LCOR: variants seen among roughly 807,000 people sequenced by gnomAD.
LCOR encodes ligand-dependent corepressor.
In LCOR, 14 loss-of-function variants were observed where a neutral mutation model predicts 64.4. That is an observed-to-expected ratio of 0.22 (90% CI 0.14 to 0.34). The LOEUF (loss-of-function observed/expected upper bound fraction) is 0.34, where lower values mean the gene tolerates loss of function less well. LCOR is among the 10% of genes least tolerant of loss of function. The pLI is 1.00. For synonymous variants in LCOR, 643 were observed against 642.5 expected (o/e 1.00, Z -0.01); for missense variants, 1,686 against 1,765.3 (o/e 0.96, Z 0.80).
chr10:96,860,389 G>T (rs1298234930), intron 2 of LCOR, among the ~76,000 whole-genome samples: 1 of 152,212 alleles, frequency 6.6e-6, no homozygotes, highest in East Asian at 1.9e-4. Context: ...GCAGGGATTA[G>T]AGTTACACTG....
At chr10:96,837,324 T>C (rs1021979375) in intron 2 of LCOR, among the ~76,000 whole-genome samples, 1 of 151,610 alleles carries the variant, frequency 6.6e-6, no homozygotes, top group Non-Finnish European at 1.5e-5. Context: ...TGGCGTGATC[T>C]TGGCTCACTG....
intron 4 of LCOR, among the ~76,000 whole-genome samples, chr10:96,919,667 T>C (rs966696355): frequency 2.0e-5 from 3 of 152,144 alleles, no homozygotes; most frequent in East Asian, 3.8e-4. Context: ...CATTTCCTCC[T>C]CTCTTTAGCC....
chr10:96,961,834 A>T (rs1323097870), intron 7 of LCOR: 1 of 151,592 alleles, frequency 6.6e-6, no homozygotes, highest in Non-Finnish European at 1.5e-5. Context: ...AACTTCTATT[A>T]TTTGGTGTAC....
chr10:96,882,159 A>G (rs1846272952), intron 2 of LCOR, among the ~76,000 whole-genome samples: 3 of 152,222 alleles, frequency 2.0e-5, no homozygotes, highest in Admixed American at 2.0e-4. Flanking sequence ...TTGTTTCCCA[A>G]AACAAAAAAA....
rs1179095678 is a variant in LCOR at position 96,989,693 on chromosome 10, A to ATTT, written c.*4560_*4561insTTT. ...GATAAGGATATATATATATATATAT[A>ATTT]TATTTTTTTTTTTTTTTTTTTTTTT... is the stretch of plus-strand genomic sequence containing the variant. On this transcript the variant is annotated 3_prime_UTR_variant, in exon 8 of 8. Coordinates refer to ENST00000421806, the MANE Select transcript of LCOR (RefSeq NM_001346516.2). 29 of 81,426 alleles carry ATTT rather than the reference A, an allele frequency of 3.6e-4. No individual in the cohort carries two copies. The highest frequency in any genetic ancestry group is 1.9e-3 in the African/African-American group (26 of 13,482). The allele number at this position is 81,426 out of a possible 1,614,324, so 5.0% of individuals were successfully genotyped here.
chr10:96,920,122 G>A (rs1847021978), intron 4 of LCOR, among the ~76,000 whole-genome samples: 1 of 151,416 alleles, frequency 6.6e-6, no homozygotes, highest in East Asian at 1.9e-4. Flanking sequence ...AGGCTAAAGG[G>A]TTCCAATTTT....
Position 96,987,950 on chromosome 10 carries a change from A to G in LCOR, c.*2816A>G, listed in dbSNP as rs1054729725. The G allele has an allele frequency of 6.6e-6, 1 of 152,194 alleles. No homozygotes were observed. Among genetic ancestry groups the G allele is most frequent in the African/African-American group, 2.4e-5 (1 of 41,442 alleles). The allele number at this position is 152,194 out of a possible 1,614,324, so 9.4% of individuals were successfully genotyped here. A position where few individuals can be genotyped will look rare whatever the true frequency, so the allele number is the denominator to read the frequency against. ...GCAGTCCATCCCACATTCCGATCCA[A>G]ATCAGAAAGGAATTCTCCTGGGTGT... is the stretch of plus-strand genomic sequence containing the variant. On this transcript the variant is annotated 3_prime_UTR_variant, in exon 8 of 8. Coordinates refer to ENST00000421806, the MANE Select transcript of LCOR (RefSeq NM_001346516.2).
At position 96,983,441 on chromosome 10, in the gene LCOR, T is replaced by C. The variant is rs149307894; in HGVS notation, c.2981T>C (p.Val994Ala). ...TQHVEEAVNE[V>A]DNENTQQKDD... ...CATGTGGAGGAGGCTGTGAATGAGGTAGACAACGAAAACACCCAGCAGAAA... is the reference window on the plus strand; with the variant it reads ...CATGTGGAGGAGGCTGTGAATGAGGCAGACAACGAAAACACCCAGCAGAAA... Residue 994 changes from valine (V) to alanine (A), a missense_variant, in exon 8 of 8, where the codon GTA (valine) becomes GCA (alanine). Val to Ala is a moderately conservative substitution (Grantham distance 64). Around this residue, in one of 3 missense-constraint regions of LCOR, gnomAD observed 1,293 missense variants for 1,410.4 expected, o/e 0.92. Coordinates refer to ENST00000421806, the MANE Select transcript of LCOR (RefSeq NM_001346516.2). The surrounding 1 kb of genome is among the most constrained non-coding windows in gnomAD (Gnocchi z 4.5). The C allele has an allele frequency of 6.2e-6, 10 of 1,614,010 alleles. No homozygotes were observed. In the African/African-American group the frequency reaches 1.2e-4, roughly 19 times the overall value.
intron 2 of LCOR, among the ~76,000 whole-genome samples, chr10:96,882,843 G>C (rs1846284788): frequency 6.6e-6 from 1 of 151,920 alleles, no homozygotes; most frequent in Non-Finnish European, 1.5e-5. Flanking sequence ...AGCCTTTTCA[G>C]CTTGGCTTCT....
chr10:96,900,741 C>T (rs1846619445), intron 2 of LCOR, among the ~76,000 whole-genome samples: 1 of 147,280 alleles, frequency 6.8e-6, no homozygotes, highest in African/African-American at 2.6e-5. Context: ...ACCCTTACCC[C>T]CCAGAGTGAA....
intron 2 of LCOR, among the ~76,000 whole-genome samples, chr10:96,840,363 T>A (rs1416129132): frequency 6.6e-6 from 1 of 152,250 alleles, no homozygotes; most frequent in East Asian, 1.9e-4. Context: ...CAGTGAATTT[T>A]ACATAGTAAA....
In LCOR at chr10:96,929,475, T is replaced by A. The variant is rs149647443; in HGVS notation, c.-183-14638T>A. ...CAGCTTCCTCACCTCTCAGCCTTCA[T>A]AGAATTGAAGAGAGTTAGAGCCTTG... is the stretch of plus-strand genomic sequence containing the variant. On this transcript the variant is annotated intron_variant, in intron 4 of 7. Transcript: ENST00000421806. Among the ~76,000 whole-genome samples the A allele has an allele frequency of 4.9e-3, 746 of 152,350 alleles. 3 individuals carry two copies. The highest frequency in any genetic ancestry group is 7.9e-3 in the Non-Finnish European group (538 of 68,034).
intron 4 of LCOR, among the ~76,000 whole-genome samples, chr10:96,925,547 A>AC (rs1410238372): frequency 6.6e-6 from 1 of 152,202 alleles, no homozygotes; most frequent in East Asian, 1.9e-4. Flanking sequence ...TCATATCATG[A>AC]AGCATACAAT....
chr10:96,968,997 T>A (rs2134552646), intron 7 of LCOR, among the ~76,000 whole-genome samples: 1 of 152,334 alleles, frequency 6.6e-6, no homozygotes, highest in East Asian at 1.9e-4. Flanking sequence ...GAACAAGTTA[T>A]TGAACCTTCC....
chr10:96,847,586 C>T (rs982160818), intron 2 of LCOR, among the ~76,000 whole-genome samples: 3 of 152,136 alleles, frequency 2.0e-5, no homozygotes, highest in Admixed American at 1.3e-4. Context: ...CGATTACAAG[C>T]GTGTGCCACC....
chr10:96,984,175 T>C lies in LCOR; in HGVS notation c.3715T>C (p.Leu1239=), dbSNP rs753668414. 1.9e-6 allele frequency: 3 copies of C among 1,614,100 alleles called. No homozygotes were observed. Among genetic ancestry groups the C allele is most frequent in the Non-Finnish European group, 2.5e-6 (3 of 1,180,000 alleles). Residue 1239 remains leucine, a synonymous_variant, in exon 8 of 8, where the codon TTG becomes CTG. Coordinates refer to ENST00000421806, the MANE Select transcript of LCOR (RefSeq NM_001346516.2). The part of the protein sequence containing the change: ...SLQAERLKKH[L]KKFPGATPAK... Reference sequence around the variant, plus strand: ...ACAGGCTGAGCGCTTGAAAAAGCACTTGAAGAAATTTCCTGGAGCTACCCC... The same window carrying C: ...ACAGGCTGAGCGCTTGAAAAAGCACCTGAAGAAATTTCCTGGAGCTACCCC...
At chr10:96,896,310 A>T (rs780363798) in intron 2 of LCOR, among the ~76,000 whole-genome samples, 1 of 152,204 alleles carries the variant, frequency 6.6e-6, no homozygotes, top group Non-Finnish European at 1.5e-5. Flanking sequence ...ACATACCTCA[A>T]ATAGAGTTGA....
At chr10:96,898,588 T>G (rs1455175481) in intron 2 of LCOR, among the ~76,000 whole-genome samples, 1 of 152,084 alleles carries the variant, frequency 6.6e-6, no homozygotes, top group East Asian at 1.9e-4. Context: ...AATTAAGAGA[T>G]GTTATTAATA....
At chr10:96,841,852 A>G (rs1165888920) in intron 2 of LCOR, among the ~76,000 whole-genome samples, 3 of 151,734 alleles carry the variant, frequency 2.0e-5, no homozygotes, top group African/African-American at 7.2e-5. Flanking sequence ...CTCCCACCTC[A>G]ACGTCCCAAA....
Sources: allele counts gnomAD v4.1 joint callset (sites outside exome capture counted in the v4.1 genomes callset), GRCh38; gene constraint gnomAD v4.1.1; regional missense constraint gnomAD v4.1.1; non-coding constraint Gnocchi (gnomAD v3.1); transcripts MANE v1.5; gene names NCBI Gene and HGNC (gene_info 2026-07-23, HGNC 2026-07-21).